The following PRDM15 variants were observed in gnomAD, a reference collection of about 807,000 sequenced individuals.
PRDM15 encodes the protein PR/SET domain 15, also known as PR domain zinc finger protein 15.
PRDM15 carries 64 observed loss-of-function variants against 128.6 expected under a neutral mutation model. The observed-to-expected ratio is 0.50, with a 90% CI of 0.41 to 0.61. The LOEUF is 0.61. Among genes scored for constraint, PRDM15 ranks in the 20% least tolerant of loss-of-function variants. The probability of loss-of-function intolerance (pLI) is 0.00; values close to 1 mark genes in which losing one functional copy is unlikely to be tolerated. For synonymous variants in PRDM15, 615 were observed against 621.8 expected, an observed-to-expected ratio of 0.99 and a Z score of 0.16; for missense variants, 1,242 against 1,569.1, an observed-to-expected ratio of 0.79 and a Z score of 3.52.
intron 1 of PRDM15, among the ~76,000 whole-genome samples, chr21:41,875,932 C>A (rs116684930): frequency 0.017 from 2,542 of 152,250 alleles, 64 homozygotes; most frequent in African/African-American, 0.058. Context: ...ACATACACAA[C>A]CCTAGATGGT....
At chr21:41,858,819 C>A (rs560044286) in intron 3 of PRDM15, among the ~76,000 whole-genome samples, 2 of 152,246 alleles carry the variant, frequency 1.3e-5, no homozygotes, top group South Asian at 4.1e-4. Context: ...ACATTAATCT[C>A]TTTGAGTCAC....
rs1410706649 is a variant in PRDM15 at position 41,823,469 on chromosome 21, T to C, written c.1630-20A>G. 22 of 1,546,660 alleles carry C rather than the reference T, an allele frequency of 1.4e-5. No homozygotes were observed. The highest frequency in any genetic ancestry group is 2.5e-5 in the East Asian group (1 of 40,528). ...GAACACCTGTGGCAGAGGAGCCGCA[T>C]GGTGAGGGGCTGCGGCGTCTCGTGA... On this transcript the variant is annotated intron_variant, in intron 13 of 23. Transcript: ENST00000398548.
rs1013842447 is a variant in PRDM15 at position 41,854,714 on chromosome 21, G to A, written c.390C>T (p.Asn130=). The change falls in exon 5 of 24, where the codon AAC becomes AAT. Residue 130 remains asparagine, a synonymous_variant. Coordinates refer to ENST00000398548, the MANE Select transcript of PRDM15 (RefSeq NM_001040424.3). This position sits in a 1 kb window ranked among gnomAD's most constrained non-coding sequence, Gnocchi z 4.6. The stretch of plus-strand genomic sequence containing the variant: ...CGCTGCCGTGCTGGTAGGCCGTCAG[G>A]TTCTGGTGCTCGGCCTCCGCCGCTG... The part of the protein sequence containing the change: ...VRPAAEAEHQ[N]LTAYQHGSDV... 3 of 1,613,370 alleles carry A rather than the reference G, an allele frequency of 1.9e-6. No individual in the cohort carries two copies. In the Admixed American group the frequency reaches 5.0e-5, roughly 27 times the overall value.
intron 1 of PRDM15, chr21:41,861,826 A>G (rs2063823872): frequency 1.9e-6 from 3 of 1,586,264 alleles, no homozygotes; most frequent in Admixed American, 1.7e-5. Context: ...CAGAGGAAAG[A>G]GAGTTCCAAT....
In PRDM15 at chr21:41,810,490, G is replaced by T; in HGVS notation, c.2477-161C>A. The T allele has an allele frequency of 1.3e-6, 1 of 755,644 alleles. No homozygotes were observed. Among genetic ancestry groups the T allele is most frequent in the Non-Finnish European group, 2.1e-6 (1 of 468,586 alleles). 46.8% of individuals were successfully genotyped at this position (755,644 alleles called of 1,614,324 possible). A position where few individuals can be genotyped will look rare whatever the true frequency, so the allele number is the denominator to read the frequency against. On this transcript the variant is annotated intron_variant, in intron 20 of 23. Coordinates refer to ENST00000398548, the MANE Select transcript of PRDM15 (RefSeq NM_001040424.3). This position sits in a 1 kb window ranked among gnomAD's most constrained non-coding sequence, Gnocchi z 6.4. ...GGTGCTGGTCCCCGAGCACACATGA[G>T]CACAGAGCCTCTGTCCCTTGGGGAG...
chr21:41,872,447 T>G lies in PRDM15; in HGVS notation c.-10+6823A>C, dbSNP rs190488147. Among the ~76,000 whole-genome samples, 7 of 152,324 alleles carry G rather than the reference T, an allele frequency of 4.6e-5. No homozygotes were observed. In the East Asian group the frequency reaches 1.3e-3, roughly 29 times the overall value. On this transcript the variant is annotated intron_variant, in intron 1 of 23. Coordinates refer to ENST00000398548, the MANE Select transcript of PRDM15 (RefSeq NM_001040424.3). ...CCCTAACAAGTTCATTATTAAAACA[T>G]TTTTTTCTTCAAAAGAAATAATGAA...
Position 41,855,179 on chromosome 21 carries a change from G to A in PRDM15, c.286-361C>T, listed in dbSNP as rs567564424. Reference sequence around the variant, plus strand: ...TAGTCCTGGTCCAGGTGGGCTTTGAGCTACCTGAGCTTCACTCCCAGTCCA... The same window carrying A: ...TAGTCCTGGTCCAGGTGGGCTTTGAACTACCTGAGCTTCACTCCCAGTCCA... On this transcript the variant is annotated intron_variant, in intron 4 of 23. Coordinates refer to ENST00000398548, the MANE Select transcript of PRDM15 (RefSeq NM_001040424.3). 1.9e-3 allele frequency among the ~76,000 whole-genome samples: 284 copies of A among 152,264 alleles called. 2 individuals are homozygous for A. The highest frequency in any genetic ancestry group is 6.7e-3 in the African/African-American group (278 of 41,536).
At chr21:41,845,997 A>G (rs2063253671) in intron 6 of PRDM15, among the ~76,000 whole-genome samples, 1 of 152,002 alleles carries the variant, frequency 6.6e-6, no homozygotes, top group Admixed American at 6.5e-5. Flanking sequence ...TTGGTGACAA[A>G]CACAAAATAC....
At chr21:41,867,045 G>A (rs1416791290) in intron 1 of PRDM15, among the ~76,000 whole-genome samples, 1 of 152,202 alleles carries the variant, frequency 6.6e-6, no homozygotes, top group Non-Finnish European at 1.5e-5. Context: ...CTAGCAGGGT[G>A]ACCTCCCCAG....
intron 3 of PRDM15, 73 bp from the exon 4 acceptor site, chr21:41,857,402 A>C: frequency 6.6e-7 from 1 of 1,512,990 alleles, no homozygotes; most frequent in Non-Finnish European, 9.1e-7. Context: ...GATAACCTAA[A>C]AGCTCGCCCT....
At chr21:41,813,546 C>T (rs1185893903) in intron 19 of PRDM15, 3 of 152,312 alleles carry the variant, frequency 2.0e-5, no homozygotes, top group African/African-American at 7.2e-5. Context: ...TTGAGGGGCC[C>T]CCAGGGGGCA....
intron 1 of PRDM15, chr21:41,861,550 C>T (rs773150229): frequency 2.8e-5 from 44 of 1,595,464 alleles, no homozygotes; most frequent in Non-Finnish European, 3.7e-5. Context: ...CCCCAATCCC[C>T]AACTGTGCGC....
intron 6 of PRDM15, among the ~76,000 whole-genome samples, chr21:41,846,216 C>G (rs928872740): frequency 1.3e-5 from 2 of 152,226 alleles, no homozygotes; most frequent in African/African-American, 2.4e-5. Context: ...ATGCCACAAA[C>G]TGTTTCTACG....
intron 21 of PRDM15, among the ~76,000 whole-genome samples, chr21:41,805,771 CCAT>C (rs2061542308): frequency 1.3e-5 from 2 of 150,336 alleles, no homozygotes; most frequent in Non-Finnish European, 1.5e-5. Context: ...AGTATCATCA[CCAT>C]CAACACCAAC....
In PRDM15 at chr21:41,843,091, TTTTGTTTTTTTG is replaced by T. The variant is rs968347408; in HGVS notation, c.641-3250_641-3239del. ...TGAGCCACCGTGTCTGGCCTGATTT[TTTTGTTTTTTTG>T]TTTGTTTTTTTGTTTGTTTGTTTGT... is the stretch of plus-strand genomic sequence containing the variant. On this transcript the variant is annotated intron_variant, in intron 6 of 23. Transcript: ENST00000398548. Among the ~76,000 whole-genome samples, 116 of 151,814 alleles carry T rather than the reference TTTTGTTTTTTTG, an allele frequency of 7.6e-4. 1 individual carries two copies. The highest frequency in any genetic ancestry group is 2.2e-3 in the African/African-American group (90 of 41,410).
chr21:41,859,128 C>G lies in PRDM15; in HGVS notation c.131+464G>C. The G allele has an allele frequency of 1.2e-6, 2 of 1,612,064 alleles. No homozygotes were observed. The highest frequency in any genetic ancestry group is 1.7e-6 in the Non-Finnish European group (2 of 1,179,596). The stretch of plus-strand genomic sequence containing the variant: ...AGCCGCCTCACCAGGCCTGCAGGGA[C>G]TGCTTCTGGAAGCTGCTGTGGGTCA... On this transcript the variant is annotated intron_variant, in intron 3 of 23. Coordinates refer to ENST00000398548, the MANE Select transcript of PRDM15 (RefSeq NM_001040424.3). The surrounding 1 kb of genome is among the most constrained non-coding windows in gnomAD (Gnocchi z 5.3).
rs551971437 is a variant in PRDM15 at position 41,870,274 on chromosome 21, A to C, written c.-10+8996T>G. On this transcript the variant is annotated intron_variant, in intron 1 of 23. Transcript: ENST00000398548. ...AAGATACAATATAAAAAAAGTATTAAGGAATTTTTTTCATACTAAGCCTTA... is the reference window on the plus strand; with the variant it reads ...AAGATACAATATAAAAAAAGTATTACGGAATTTTTTTCATACTAAGCCTTA... Among the ~76,000 whole-genome samples, 3 of 152,334 alleles carry C rather than the reference A, an allele frequency of 2.0e-5. No individual in the cohort carries two copies. In the East Asian group the frequency reaches 5.8e-4, roughly 29 times the overall value.
chr21:41,851,501 G>A (rs2145817760), intron 5 of PRDM15, among the ~76,000 whole-genome samples: 1 of 152,334 alleles, frequency 6.6e-6, no homozygotes. Flanking sequence ...CAGGGTCAGG[G>A]AGGAGGGGCT....
chr21:41,819,757 G>A lies in PRDM15; in HGVS notation c.2141-56C>T, dbSNP rs1339227608. ...CGAGCAGCTCCGACCTGCAGTGGCTGCAAAGAGGATGCACCAAGGAGAGGG... is the reference window on the plus strand; with the variant it reads ...CGAGCAGCTCCGACCTGCAGTGGCTACAAAGAGGATGCACCAAGGAGAGGG... On this transcript the variant is annotated intron_variant, in intron 17 of 23. Transcript: ENST00000398548. 24 of 1,550,828 alleles carry A rather than the reference G, an allele frequency of 1.5e-5. 1 individual carries two copies. The East Asian group carries it at 1.7e-4, about 11-fold the overall frequency.
Sources: gnomAD v4.1 joint callset for allele counts (sites outside exome capture counted in the v4.1 genomes callset) on GRCh38, gnomAD v4.1.1 for gene constraint, Gnocchi (gnomAD v3.1) non-coding constraint, MANE v1.5 for transcripts, NCBI Gene and HGNC (gene_info 2026-07-23, HGNC 2026-07-21) for gene names.